Variants in CDYL observed in about 807,000 individuals in gnomAD.
CDYL encodes chromodomain Y-like protein.
A neutral mutation model predicts 47.3 loss-of-function variants in CDYL; 8 were observed. That is an observed-to-expected ratio of 0.17 (90% CI 0.10 to 0.31). The LOEUF is 0.31. CDYL is among the 10% of genes least tolerant of loss of function. CDYL has a pLI of 1.00. For missense variants in CDYL, 471 were observed against 701.4 expected (o/e 0.67, Z 3.71); for synonymous variants, 266 against 265.0 (o/e 1.00, Z -0.04).
intron 2 of CDYL, among the ~76,000 whole-genome samples, chr6:4,912,990 A>G (rs1757456203): frequency 6.6e-6 from 1 of 152,246 alleles, no homozygotes. Flanking sequence ...GCAGCTGCTG[A>G]CTGCTCTGAG....
intron 1 of CDYL, among the ~76,000 whole-genome samples, chr6:4,781,693 C>A (rs892081157): frequency 6.6e-6 from 1 of 152,086 alleles, no homozygotes; most frequent in Non-Finnish European, 1.5e-5. Flanking sequence ...ATAGACTGTT[C>A]CCTCGTGCTC....
intron 2 of CDYL, among the ~76,000 whole-genome samples, chr6:4,923,471 T>C (rs1757775137): frequency 6.6e-6 from 1 of 152,214 alleles, no homozygotes; most frequent in Admixed American, 6.5e-5. Flanking sequence ...ATTCATTTGT[T>C]GATGGGCACT....
At chr6:4,764,181 T>C (rs1384348331) in intron 3 of CDYL, among the ~76,000 whole-genome samples, 2 of 152,222 alleles carry the variant, frequency 1.3e-5, no homozygotes, top group Admixed American at 6.5e-5. Flanking sequence ...GTGTTAATTG[T>C]AAGAGACATG....
At chr6:4,903,643 C>T (rs1469624996) in intron 2 of CDYL, among the ~76,000 whole-genome samples, 4 of 152,060 alleles carry the variant, frequency 2.6e-5, no homozygotes, top group East Asian at 1.9e-4. Context: ...AGTCTCTGGC[C>T]CCAGTGGAGC....
At chr6:4,873,073 G>C (rs1761519607) in intron 1 of CDYL, among the ~76,000 whole-genome samples, 1 of 152,164 alleles carries the variant, frequency 6.6e-6, no homozygotes, top group Non-Finnish European at 1.5e-5. Flanking sequence ...GAAAAGTTCT[G>C]TTTATACAAT....
Position 4,729,195 on chromosome 6 carries a change from T to C in CDYL, c.104-5567T>C, listed in dbSNP as rs1489893291. On this transcript the variant is annotated intron_variant, in intron 2 of 8. Transcript: ENST00000328908. ...TTCTCCAAACACACAAACCCAGCTCTGTAGCATCTTTTTTCCACCCCTGAA... is the reference window on the plus strand; with the variant it reads ...TTCTCCAAACACACAAACCCAGCTCCGTAGCATCTTTTTTCCACCCCTGAA... Among the ~76,000 whole-genome samples the C allele has an allele frequency of 2.0e-5, 3 of 152,138 alleles. No homozygotes were observed. The East Asian group carries it at 5.8e-4, about 29-fold the overall frequency.
intron 4 of CDYL, among the ~76,000 whole-genome samples, chr6:4,942,730 C>T (rs12213161): frequency 0.53 from 80,574 of 152,084 alleles, 23,621 homozygotes; most frequent in East Asian, 0.75. Flanking sequence ...ACTTTTCCAG[C>T]CTGATCTAAA....
At chr6:4,904,265 T>A (rs1757158502) in intron 2 of CDYL, among the ~76,000 whole-genome samples, 1 of 152,242 alleles carries the variant, frequency 6.6e-6, no homozygotes. Flanking sequence ...ATGAATGAGA[T>A]AAACTGTCTC....
At chr6:4,740,932 A>G (rs1218159789) in intron 3 of CDYL, among the ~76,000 whole-genome samples, 2 of 151,870 alleles carry the variant, frequency 1.3e-5, no homozygotes, top group African/African-American at 4.8e-5. Flanking sequence ...GATTACAGGC[A>G]TGTGCCACCG....
chr6:4,900,101 C>A (rs1352229210), intron 2 of CDYL, among the ~76,000 whole-genome samples: 1 of 152,150 alleles, frequency 6.6e-6, no homozygotes, highest in African/African-American at 2.4e-5. Flanking sequence ...TGTTACCTCC[C>A]CCTCTGAATA....
intron 4 of CDYL, 32 bp from the exon 5 acceptor site, chr6:4,943,514 T>C (rs1758421681): frequency 1.4e-6 from 2 of 1,450,740 alleles, no homozygotes; most frequent in Non-Finnish European, 1.9e-6. Flanking sequence ...ATGCAATGTT[T>C]TGAGTAATTC....
At position 4,950,572 on chromosome 6, in the gene CDYL, T is replaced by C. The variant is rs540409905; in HGVS notation, c.1333-1694T>C. 8.7e-4 allele frequency among the ~76,000 whole-genome samples: 132 copies of C among 152,302 alleles called. 1 individual carries two copies. The highest frequency in any genetic ancestry group is 1.1e-3 in the Non-Finnish European group (78 of 68,028). On this transcript the variant is annotated intron_variant, in intron 5 of 6. Coordinates refer to ENST00000397588, the MANE Select transcript of CDYL (RefSeq NM_004824.4). Reference sequence around the variant, plus strand: ...GGTCGGGTCGCGTTTCTAAATCCACTGTTTATGGACCGTCTTTTCACTGAG... The same window carrying C: ...GGTCGGGTCGCGTTTCTAAATCCACCGTTTATGGACCGTCTTTTCACTGAG...
At chr6:4,918,410 A>C (rs1757617455) in intron 2 of CDYL, among the ~76,000 whole-genome samples, 1 of 151,840 alleles carries the variant, frequency 6.6e-6, no homozygotes, top group Non-Finnish European at 1.5e-5. Context: ...TGACATTATA[A>C]CATAAAGGTT....
intron 1 of CDYL, among the ~76,000 whole-genome samples, chr6:4,832,192 G>T (rs1218415919): frequency 6.6e-6 from 1 of 152,192 alleles, no homozygotes; most frequent in Admixed American, 6.5e-5. Flanking sequence ...TGTCCATTCA[G>T]TATGTTATTG....
At chr6:4,767,847 T>C (rs1396729667) in intron 3 of CDYL, among the ~76,000 whole-genome samples, 1 of 152,256 alleles carries the variant, frequency 6.6e-6, no homozygotes. Context: ...ACCAAAACTT[T>C]ATTTTGAAAT....
chr6:4,878,666 A>G (rs188819489), intron 1 of CDYL, among the ~76,000 whole-genome samples: 12 of 152,146 alleles, frequency 7.9e-5, no homozygotes, highest in African/African-American at 2.6e-4. Flanking sequence ...TGTGTGTTTT[A>G]TTTCCAGACT....
intron 1 of CDYL, among the ~76,000 whole-genome samples, chr6:4,805,169 C>G (rs1175473700): frequency 6.6e-6 from 1 of 152,148 alleles, no homozygotes; most frequent in Non-Finnish European, 1.5e-5. Context: ...AGTGAATTAG[C>G]TTTTTACTCT....
At chr6:4,767,809 A>G (rs1410652595) in intron 3 of CDYL, among the ~76,000 whole-genome samples, 1 of 152,238 alleles carries the variant, frequency 6.6e-6, no homozygotes, top group African/African-American at 2.4e-5. Context: ...CATGCTGCAT[A>G]TGCAGTTGGC....
At chr6:4,749,356 A>G (rs1170755622) in intron 3 of CDYL, among the ~76,000 whole-genome samples, 2 of 22,946 alleles carry the variant, frequency 8.7e-5, no homozygotes, top group Admixed American at 1.7e-3. Flanking sequence ...TATGAGATAG[A>G]TGGATGGATG....
Sources: gnomAD v4.1 joint callset for allele counts (sites outside exome capture counted in the v4.1 genomes callset) on GRCh38, gnomAD v4.1.1 for gene constraint, MANE v1.5 for transcripts, NCBI Gene and HGNC (gene_info 2026-07-23, HGNC 2026-07-21) for gene names.